Variants in STK39 observed in about 807,000 individuals in gnomAD.
The protein encoded by STK39 is STE20/SPS1-related proline-alanine-rich protein kinase.
In STK39, 20 loss-of-function variants were observed where a neutral mutation model predicts 77.8. The ratio of observed to expected loss-of-function variants is 0.26; its 90% confidence interval spans 0.18 to 0.37. The LOEUF (loss-of-function observed/expected upper bound fraction) is 0.37. Among genes scored for constraint, STK39 ranks in the 10% least tolerant of loss-of-function variants. STK39 has a pLI of 1.00. For missense variants in STK39, 479 were observed against 656.5 expected (o/e 0.73, Z 2.95); for synonymous variants, 246 against 234.1 (o/e 1.05, Z -0.47).
chr2:168,149,513 T>C (rs1466420819), intron 5 of STK39, among the ~76,000 whole-genome samples: 1 of 152,256 alleles, frequency 6.6e-6, no homozygotes, highest in Non-Finnish European at 1.5e-5. Flanking sequence ...TTAACGTTTC[T>C]GCTGCTTAAT....
At chr2:168,140,847 G>C in intron 5 of STK39, 89 bp from the exon 6 acceptor site, 2 of 1,076,688 alleles carry the variant, frequency 1.9e-6, no homozygotes, top group Non-Finnish European at 1.3e-6. Context: ...TTCTTTGTGA[G>C]CTTTACAGTG....
chr2:168,008,961 C>G (rs898780055), intron 16 of STK39, among the ~76,000 whole-genome samples: 1 of 152,180 alleles, frequency 6.6e-6, no homozygotes, highest in Non-Finnish European at 1.5e-5. Flanking sequence ...TTCTTTCTCC[C>G]CTCACTCCAG....
At chr2:168,080,197 T>C (rs779759169) in intron 10 of STK39, among the ~76,000 whole-genome samples, 71 of 152,160 alleles carry the variant, frequency 4.7e-4, no homozygotes, top group Middle Eastern at 6.3e-3. Context: ...TTGAGAGAGA[T>C]GATTTAGGGT....
chr2:168,002,695 C>A (rs1392611077), intron 16 of STK39, among the ~76,000 whole-genome samples: 1 of 152,208 alleles, frequency 6.6e-6, no homozygotes, highest in Non-Finnish European at 1.5e-5. Flanking sequence ...TCTGTCAAAG[C>A]AAGAATTCTA....
intron 14 of STK39, among the ~76,000 whole-genome samples, chr2:168,046,976 A>T (rs1221749756): frequency 6.6e-6 from 1 of 152,194 alleles, no homozygotes; most frequent in African/African-American, 2.4e-5. Flanking sequence ...TTACCCAGCG[A>T]GTATAGATTG....
At position 168,163,803 on chromosome 2, in the gene STK39, C is replaced by A. The variant is rs751493627; in HGVS notation, c.508G>T (p.Ala170Ser). 9 of 1,613,966 alleles carry A rather than the reference C, an allele frequency of 5.6e-6. No homozygotes were observed. The South Asian group carries it at 8.8e-5, about 16-fold the overall frequency. ...KNGVLEEAII[A>S]TILKEVLEGL... ...TCCAAAACCTCTTTAAGAATTGTTG[C>A]TATTATTGCCTCTTCCAGAACTCCA... Residue 170 changes from alanine to serine, a missense_variant, in exon 4 of 18, where the codon GCA becomes TCA. Physicochemically the swap from Ala to Ser is moderately conservative, Grantham distance 99 (BLOSUM62 1). Coordinates refer to ENST00000355999, the MANE Select transcript of STK39 (RefSeq NM_013233.3).
intron 10 of STK39, 144 bp downstream of exon 10, chr2:168,129,397 T>C: frequency 2.3e-6 from 2 of 855,098 alleles, no homozygotes; most frequent in East Asian, 2.5e-5. Flanking sequence ...AAAAGGCAAA[T>C]GCAGTTATCT....
chr2:168,128,918 T>C (rs1014455641), intron 10 of STK39, among the ~76,000 whole-genome samples: 4 of 152,104 alleles, frequency 2.6e-5, no homozygotes, highest in African/African-American at 4.8e-5. Flanking sequence ...AGAGGTTAAA[T>C]TGTATTAGGT....
intron 1 of STK39, among the ~76,000 whole-genome samples, chr2:168,239,131 C>T (rs1483677831): frequency 6.6e-6 from 1 of 152,180 alleles, no homozygotes; most frequent in Non-Finnish European, 1.5e-5. Context: ...ACTTGTTCTG[C>T]AATTCTGCTC....
intron 1 of STK39, among the ~76,000 whole-genome samples, chr2:168,209,894 G>A (rs1689841531): frequency 6.6e-6 from 1 of 151,662 alleles, no homozygotes; most frequent in Non-Finnish European, 1.5e-5. Context: ...AGCTATCCAG[G>A]AGGCTGAAGC....
chr2:168,006,000 A>T (rs1698483676), intron 16 of STK39, among the ~76,000 whole-genome samples: 1 of 152,220 alleles, frequency 6.6e-6, no homozygotes, highest in Admixed American at 6.5e-5. Context: ...CGTCAAAGGA[A>T]AACTACAGAA....
intron 1 of STK39, among the ~76,000 whole-genome samples, chr2:168,204,632 A>G (rs1463300309): frequency 6.6e-6 from 1 of 152,246 alleles, no homozygotes; most frequent in Non-Finnish European, 1.5e-5. Flanking sequence ...GGTCTCTAGC[A>G]GTGAGGAAAG....
rs893463356 is a variant in STK39, at chr2:168,247,507, G to T, written c.-72C>A. 21 of 1,149,006 alleles carry T rather than the reference G, an allele frequency of 1.8e-5. No individual in the cohort carries two copies. The Admixed American group carries it at 5.8e-4, about 32-fold the overall frequency. 71.2% of individuals were successfully genotyped at this position (1,149,006 alleles called of 1,614,324 possible). Reference sequence around the variant, plus strand: ...TTCCACTTGAAACTTCCTTTGCCTCGCCGCCGACACCTCTCGGCCGGCGCA... The same window carrying T: ...TTCCACTTGAAACTTCCTTTGCCTCTCCGCCGACACCTCTCGGCCGGCGCA... On this transcript the variant is annotated 5_prime_UTR_variant, in exon 1 of 18. Coordinates refer to ENST00000355999, the MANE Select transcript of STK39 (RefSeq NM_013233.3).
intron 10 of STK39, among the ~76,000 whole-genome samples, chr2:168,078,238 T>C (rs1686129725): frequency 6.6e-6 from 1 of 152,206 alleles, no homozygotes; most frequent in South Asian, 2.1e-4. Context: ...TCTCTAAATG[T>C]TATTTTTAAT....
At chr2:167,973,133 AAGTGCTTAAAT>A (rs1378428840) in intron 16 of STK39, among the ~76,000 whole-genome samples, 2 of 152,230 alleles carry the variant, frequency 1.3e-5, no homozygotes, top group Non-Finnish European at 2.9e-5. Flanking sequence ...CCAGAAAAAT[AAGTGCTTAAAT>A]ATTTTGTCAG....
intron 10 of STK39, among the ~76,000 whole-genome samples, chr2:168,112,743 T>C (rs995905698): frequency 2.6e-5 from 4 of 152,224 alleles, no homozygotes; most frequent in Non-Finnish European, 2.9e-5. Context: ...ACCATTGTTT[T>C]ACAACCTTTG....
intron 1 of STK39, chr2:168,232,189 A>G: frequency 4.4e-6 from 1 of 225,002 alleles, no homozygotes; most frequent in South Asian, 9.4e-5. Context: ...TAGTCTTCCG[A>G]TGGCAACATA....
At position 168,018,640 on chromosome 2, in the gene STK39, T is replaced by C. The variant is rs533492877; in HGVS notation, c.1377-1545A>G. Among the ~76,000 whole-genome samples the C allele has an allele frequency of 9.9e-5, 15 of 151,764 alleles. No individual in the cohort carries two copies. The South Asian group carries it at 3.1e-3, about 32-fold the overall frequency. On this transcript the variant is annotated intron_variant, in intron 14 of 17. Transcript: ENST00000355999. ...CATGAACTAGTATTAGCTGAGCCTC[T>C]GAAAATGTCTAAGACAGAGTCAGAG...
chr2:167,998,070 AAAGT>A (rs1441752236), intron 16 of STK39, among the ~76,000 whole-genome samples: 3 of 152,176 alleles, frequency 2.0e-5, no homozygotes, highest in Admixed American at 2.0e-4. Context: ...CCCTTAAAAG[AAAGT>A]ATTACATAAA....
Sources: allele counts gnomAD v4.1 joint callset (sites outside exome capture counted in the v4.1 genomes callset), GRCh38; gene constraint gnomAD v4.1.1; transcripts MANE v1.5; gene names NCBI Gene and HGNC (gene_info 2026-07-23, HGNC 2026-07-21).